TLR10: variants seen among roughly 807,000 people sequenced by gnomAD.
The protein encoded by TLR10 is toll like receptor 10.
For missense variants in TLR10, 929 were observed against 932.9 expected (o/e 1.00, Z 0.05); for synonymous variants, 288 against 338.8 (o/e 0.85, Z 1.65).
Position 38,774,229 on chromosome 4 carries a change from T to G in TLR10, c.1362A>C (p.Gln454His). ...SIQILDLNNN[Q>H]IQTVPKETIH... ...TAGTCTCTTTAGGTACAGTTTGGAT[T>G]TGGTTATTATTTAGGTCAAGTATTT... Residue 454 changes from glutamine (Q) to histidine (H), a missense_variant, in exon 4 of 4, where the codon CAA becomes CAC. Coordinates refer to ENST00000308973, the MANE Select transcript of TLR10 (RefSeq NM_030956.4). The G allele has an allele frequency of 6.2e-7, 1 of 1,613,920 alleles. No individual in the cohort carries two copies. Among genetic ancestry groups the G allele is most frequent in the Non-Finnish European group, 8.5e-7 (1 of 1,180,000 alleles).
chr4:38,780,711 A>C (rs2109323070), intron 1 of TLR10, among the ~76,000 whole-genome samples: 1 of 152,362 alleles, frequency 6.6e-6, no homozygotes, highest in East Asian at 1.9e-4. Context: ...GATAATGTTT[A>C]CATGAAATAT....
chr4:38,773,879 TC>T lies in TLR10; in HGVS notation c.1711del (p.Glu571AsnfsTer9). ...GTRLKDVHLH[E>X]LSCNTALLIV... is the part of the protein sequence containing the mutation. Reference sequence around the variant, plus strand: ...CAACAGAGCTGTGTTGCAAGATAATTCGTGGAGATGAACGTCTTTTAACCTA... The same window carrying T: ...CAACAGAGCTGTGTTGCAAGATAATTGTGGAGATGAACGTCTTTTAACCTA... On this transcript the variant is annotated frameshift_variant, in exon 4 of 4. Coordinates refer to ENST00000308973, the MANE Select transcript of TLR10 (RefSeq NM_030956.4). LOFTEE classifies it low-confidence loss of function (END_TRUNC). 7 of 1,593,412 alleles carry T rather than the reference TC, an allele frequency of 4.4e-6. No homozygotes were observed. Among genetic ancestry groups the T allele is most frequent in the Non-Finnish European group, 6.0e-6 (7 of 1,170,534 alleles).
intron 1 of TLR10, among the ~76,000 whole-genome samples, chr4:38,779,366 G>T (rs555533614): frequency 6.6e-6 from 1 of 152,094 alleles, no homozygotes; most frequent in East Asian, 1.9e-4. Flanking sequence ...TTTTAAAAAC[G>T]TGGTCAAATG....
intron 1 of TLR10, chr4:38,779,201 G>A (rs953563543): frequency 1.3e-5 from 2 of 152,174 alleles, no homozygotes; most frequent in African/African-American, 4.8e-5. Flanking sequence ...TAAACTTGGA[G>A]AATTCCTTTG....
chr4:38,779,245 T>C (rs1725251122), intron 1 of TLR10, among the ~76,000 whole-genome samples: 1 of 152,252 alleles, frequency 6.6e-6, no homozygotes, highest in Non-Finnish European at 1.5e-5. Context: ...GATCATATAA[T>C]TTTTATATTT....
In TLR10 at chr4:38,775,664, TATATA is replaced by T; in HGVS notation, c.-62-17_-62-13del. The T allele has an allele frequency of 7.5e-7, 1 of 1,339,218 alleles. No individual in the cohort carries two copies. The highest frequency in any genetic ancestry group is 1.0e-6 in the Non-Finnish European group (1 of 995,772). 83.0% of individuals were successfully genotyped at this position (1,339,218 alleles called of 1,614,324 possible). On this transcript the variant is annotated splice_polypyrimidine_tract_variant and intron_variant, in intron 3 of 3. Transcript: ENST00000308973. ...ATGAGCTCAAAACCCTAAAAAAAAG[TATATA>T]ATATTAGATTTTTATTTGGTTTGTT... is the stretch of plus-strand genomic sequence containing the variant.
In TLR10 at chr4:38,774,340, G is replaced by A. The variant is rs374963343; in HGVS notation, c.1251C>T (p.Cys417=). The A allele has an allele frequency of 3.1e-6, 5 of 1,611,282 alleles. No individual in the cohort carries two copies. Among genetic ancestry groups the A allele is most frequent in the Non-Finnish European group, 4.2e-6 (5 of 1,179,048 alleles). The change falls in exon 4 of 4, where the codon TGC becomes TGT. Residue 417 remains cysteine (C), a synonymous_variant. Transcript: ENST00000308973. ...TATTGACCACAGTTTCTGGCCATGA[G>A]CAATTTTCATCATTTTTATGTTGTA... is the stretch of plus-strand genomic sequence containing the variant. The part of the protein sequence containing the change: ...NLLQHKNDEN[C]SWPETVVNMN...
rs1436876169 is a variant in TLR10 at position 38,776,383 on chromosome 4, ACTT to A, written c.-528_-526del. The A allele has an allele frequency of 1.1e-5, 2 of 174,044 alleles. No homozygotes were observed. The highest frequency in any genetic ancestry group is 2.5e-5 in the Non-Finnish European group (2 of 78,854). The allele number at this position is 174,044 out of a possible 1,614,324, so 10.8% of individuals were successfully genotyped here. A position where few individuals can be genotyped will look rare whatever the true frequency, so the allele number is the denominator to read the frequency against. On this transcript the variant is annotated 5_prime_UTR_variant, in exon 2 of 4. Transcript: ENST00000308973. ...TTGTTAGACAACTATAAATGTCTTAACTTCTTGTTGAATTCAAAGGTCTTGATA... is the reference window on the plus strand; with the variant it reads ...TTGTTAGACAACTATAAATGTCTTAACTTGTTGAATTCAAAGGTCTTGATA...
chr4:38,782,303 A>C (rs539592747), intron 1 of TLR10, among the ~76,000 whole-genome samples: 43 of 152,326 alleles, frequency 2.8e-4, no homozygotes, highest in South Asian at 1.9e-3. Context: ...AAGAATTGAA[A>C]TAAAACTCGA....
chr4:38,780,185 A>T (rs1462533708), intron 1 of TLR10, among the ~76,000 whole-genome samples: 7 of 151,808 alleles, frequency 4.6e-5, no homozygotes. Context: ...GGTGGATCAC[A>T]AAGTAAGGAG....
Position 38,774,098 on chromosome 4 carries a change from T to C in TLR10, c.1493A>G (p.Asn498Ser), listed in dbSNP as rs753874590. 1 of 1,612,364 alleles carries C rather than the reference T, an allele frequency of 6.2e-7. No homozygotes were observed. Residue 498 changes from asparagine (N) to serine (S), a missense_variant, in exon 4 of 4, where the codon AAC (asparagine) becomes AGC (serine). By Grantham distance (46) the Asn-to-Ser change is conservative (BLOSUM62 1). Coordinates refer to ENST00000308973, the MANE Select transcript of TLR10 (RefSeq NM_030956.4). ...ATCCAGAGATGGGCTGAGAATGAAGTTCATTTCAATGTTCAGAACTGAAAG... is the reference window on the plus strand; with the variant it reads ...ATCCAGAGATGGGCTGAGAATGAAGCTCATTTCAATGTTCAGAACTGAAAG... Reference protein sequence around the residue: ...SRLSVLNIEMNFILSPSLDFV... With the variant: ...SRLSVLNIEMSFILSPSLDFV...
chr4:38,778,592 G>C (rs1343077036), intron 1 of TLR10, among the ~76,000 whole-genome samples: 2 of 152,128 alleles, frequency 1.3e-5, no homozygotes, highest in Non-Finnish European at 2.9e-5. Context: ...GAGAGAAGTG[G>C]TTAGATTCTA....
In TLR10 at chr4:38,774,508, T is replaced by C. The variant is rs11466654; in HGVS notation, c.1083A>G (p.Thr361=). 1,167 of 1,582,114 alleles carry C rather than the reference T, an allele frequency of 7.4e-4. 6 individuals carry two copies. In the African/African-American group the frequency reaches 0.013, roughly 17 times the overall value. Residue 361 remains threonine, a synonymous_variant, in exon 4 of 4, where the codon ACA becomes ACG. Coordinates refer to ENST00000308973, the MANE Select transcript of TLR10 (RefSeq NM_030956.4). ...GGATAGTTCTTTTAAACAACTCGTC[T>C]GTTAAGATATTATTGGCAAAATTTA... ...QYLNFANNIL[T]DELFKRTIQL...
At chr4:38,780,999 A>ACT (rs10632368) in intron 1 of TLR10, among the ~76,000 whole-genome samples, 7,938 of 152,084 alleles carry the variant, frequency 0.052, 349 homozygotes, top group African/African-American at 0.12. Flanking sequence ...TTTAGCTGGA[A>ACT]CTCTGCGCTG....
In TLR10 at chr4:38,775,492, G is replaced by T. The variant is rs779055590; in HGVS notation, c.99C>A (p.Asn33Lys). 2.5e-6 allele frequency: 4 copies of T among 1,614,182 alleles called. No homozygotes were observed. Among genetic ancestry groups the T allele is most frequent in the Non-Finnish European group, 3.4e-6 (4 of 1,180,016 alleles). The part of the protein sequence containing the change: ...ELPEERELMT[N>K]CSNMSLRKVP... The stretch of plus-strand genomic sequence containing the variant: ...CCTTTCTTAGAGACATGTTGGAGCA[G>T]TTGGTCATCAGTTCCCTTTCTTCTG... Residue 33 changes from asparagine to lysine, a missense_variant, in exon 4 of 4, where the codon AAC becomes AAA. By Grantham distance (94) the Asn-to-Lys change is moderately conservative. Coordinates refer to ENST00000308973, the MANE Select transcript of TLR10 (RefSeq NM_030956.4).
In TLR10 at chr4:38,780,392, A is replaced by T. The variant is rs572915686; in HGVS notation, c.-569+2529T>A. Among the ~76,000 whole-genome samples, 6 of 127,948 alleles carry T rather than the reference A, an allele frequency of 4.7e-5. No individual in the cohort carries two copies. In the South Asian group the frequency reaches 1.5e-3, roughly 33 times the overall value. The allele number at this position is 127,948 out of a possible 152,430, so 83.9% of individuals were successfully genotyped here. Reference sequence around the variant, plus strand: ...GCACTCCAGCCTGGGCAACAGAGCAAGACTCAGTTTCAAAAAAAAAAAGAA... The same window carrying T: ...GCACTCCAGCCTGGGCAACAGAGCATGACTCAGTTTCAAAAAAAAAAAGAA... On this transcript the variant is annotated intron_variant, in intron 1 of 3. Coordinates refer to ENST00000308973, the MANE Select transcript of TLR10 (RefSeq NM_030956.4).
chr4:38,773,603 A>G lies in TLR10; in HGVS notation c.1988T>C (p.Ile663Thr). ...GTAGCTTTCATAAAGGCAAATCAAG[A>G]TAGAACCATCTTCCTTCTCTAGATT... The part of the protein sequence containing the change: ...IPNLEKEDGS[I>T]LICLYESYFD... The change falls in exon 4 of 4, where the codon ATC becomes ACC. Residue 663 changes from isoleucine to threonine, a missense_variant. Coordinates refer to ENST00000308973, the MANE Select transcript of TLR10 (RefSeq NM_030956.4). 1 of 1,602,334 alleles carries G rather than the reference A, an allele frequency of 6.2e-7. No homozygotes were observed. Among genetic ancestry groups the G allele is most frequent in the Non-Finnish European group, 8.5e-7 (1 of 1,174,494 alleles).
Position 38,775,627 on chromosome 4 carries a change from T to G in TLR10, c.-37A>C. 6.5e-7 allele frequency: 1 copy of G among 1,530,864 alleles called. No homozygotes were observed. The highest frequency in any genetic ancestry group is 1.8e-4 in the Middle Eastern group (1 of 5,632). 94.8% of individuals were successfully genotyped at this position (1,530,864 alleles called of 1,614,324 possible). On this transcript the variant is annotated 5_prime_UTR_variant, in exon 4 of 4. Coordinates refer to ENST00000308973, the MANE Select transcript of TLR10 (RefSeq NM_030956.4). ...GGATTTTACCACTTATTTCCTCATA[T>G]GAATGATGAAGATGAGCTCAAAACC...
chr4:38,773,812 AG>A lies in TLR10; in HGVS notation c.1778del (p.Ala593ValfsTer18). 1 of 1,592,404 alleles carries A rather than the reference AG, an allele frequency of 6.3e-7. No homozygotes were observed. The stretch of plus-strand genomic sequence containing the variant: ...CAAAGTGGAGACAGCAGAAGGCCAC[AG>A]CCAACCCCAGAACTAGCATAATAAC... ...IVVIMLVLGL[A>X]VAFCCLHFDL... On this transcript the variant is annotated frameshift_variant, in exon 4 of 4. Transcript: ENST00000308973. LOFTEE classifies it low-confidence loss of function (END_TRUNC).
Sources: gnomAD v4.1 joint callset for allele counts (sites outside exome capture counted in the v4.1 genomes callset) on GRCh38, gnomAD v4.1.1 for gene constraint, MANE v1.5 for transcripts, NCBI Gene and HGNC (gene_info 2026-07-23, HGNC 2026-07-21) for gene names.